Variants in SIMC1 observed in about 807,000 individuals in gnomAD.
SIMC1 encodes SUMO interacting motifs containing 1.
In SIMC1, 55 loss-of-function variants were observed where a neutral mutation model predicts 82.3. The ratio of observed to expected loss-of-function variants is 0.67; its 90% CI spans 0.54 to 0.84. SIMC1 has a LOEUF of 0.84. SIMC1 is among the 40% of genes least tolerant of loss of function. The probability of loss-of-function intolerance (pLI) is 0.00; values close to 1 mark genes in which losing one functional copy is unlikely to be tolerated. For synonymous variants in SIMC1, 353 were observed against 426.3 expected, an observed-to-expected ratio of 0.83 and a Z score of 2.12; for missense variants, 915 against 1,107.2, an observed-to-expected ratio of 0.83 and a Z score of 2.46.
chr5:176,252,451 C>T (rs1761704142), intron 1 of SIMC1, among the ~76,000 whole-genome samples: 1 of 151,698 alleles, frequency 6.6e-6, no homozygotes, highest in Non-Finnish European at 1.5e-5. Context: ...ACGCTCCTCA[C>T]CTCCCAGATG....
chr5:176,344,468 TACACACACACACACACACACAC>T (rs57991528), intron 9 of SIMC1, among the ~76,000 whole-genome samples: 30,263 of 146,600 alleles, frequency 0.21, 3,120 homozygotes, highest in Middle Eastern at 0.3. Flanking sequence ...GTCAGGAGTA[TACACACACACACACACACACAC>T]ACACACACAC....
chr5:176,294,957 T>G, intron 2 of SIMC1, 73 bp from the exon 3 acceptor site: 1 of 1,412,756 alleles, frequency 7.1e-7, no homozygotes. Flanking sequence ...AGAGCAAGAC[T>G]CCGTCTCAAA....
intron 2 of SIMC1, among the ~76,000 whole-genome samples, chr5:176,292,670 G>A (rs551643346): frequency 9.9e-5 from 15 of 151,902 alleles, no homozygotes; most frequent in East Asian, 5.8e-4. Context: ...ACAGCCTCCC[G>A]CGTAGCTGGG....
At chr5:176,267,969 C>G (rs909712076) in intron 1 of SIMC1, among the ~76,000 whole-genome samples, 7 of 151,834 alleles carry the variant, frequency 4.6e-5, no homozygotes, top group African/African-American at 1.7e-4. Flanking sequence ...AGGCTGGTCT[C>G]CAGCTCCTGA....
At chr5:176,323,071 A>G (rs342014) in intron 6 of SIMC1, among the ~76,000 whole-genome samples, 1,672 of 152,332 alleles carry the variant, frequency 0.011, 23 homozygotes, top group Non-Finnish European at 0.019. Flanking sequence ...GGCATTTCAA[A>G]TGTAACATTT....
At chr5:176,299,698 C>A (rs1437797439) in intron 4 of SIMC1, among the ~76,000 whole-genome samples, 1 of 152,054 alleles carries the variant, frequency 6.6e-6, no homozygotes, top group Non-Finnish European at 1.5e-5. Flanking sequence ...ATTCAGTACC[C>A]CACTTTCAAT....
chr5:176,341,525 A>G (rs1766144664), intron 9 of SIMC1, among the ~76,000 whole-genome samples: 1 of 152,198 alleles, frequency 6.6e-6, no homozygotes, highest in South Asian at 2.1e-4. Context: ...AGAGGGCCAG[A>G]GGGGCCAGGG....
chr5:176,283,390 A>G (rs1202671950), intron 1 of SIMC1, among the ~76,000 whole-genome samples: 1 of 152,250 alleles, frequency 6.6e-6, no homozygotes, highest in Non-Finnish European at 1.5e-5. Context: ...AAAGAAAAGA[A>G]TTTTCAACAC....
At chr5:176,242,871 G>A in intron 1 of SIMC1, among the ~76,000 whole-genome samples, 1 of 151,882 alleles carries the variant, frequency 6.6e-6, no homozygotes, top group East Asian at 1.9e-4. Context: ...TTTACTGAGG[G>A]GACACAGATA....
chr5:176,279,643 G>A (rs1296114634), intron 1 of SIMC1, among the ~76,000 whole-genome samples: 1 of 150,158 alleles, frequency 6.7e-6, no homozygotes, highest in Non-Finnish European at 1.5e-5. Flanking sequence ...ACACTGCTTT[G>A]AATGCGTCCC....
At chr5:176,312,613 A>G (rs1266903943) in intron 4 of SIMC1, among the ~76,000 whole-genome samples, 2 of 151,736 alleles carry the variant, frequency 1.3e-5, no homozygotes, top group African/African-American at 2.4e-5. Context: ...GTTATCAAGG[A>G]TTAGAGAAAA....
At chr5:176,268,605 A>C (rs1422767030) in intron 1 of SIMC1, among the ~76,000 whole-genome samples, 4 of 152,202 alleles carry the variant, frequency 2.6e-5, no homozygotes, top group Non-Finnish European at 5.9e-5. Flanking sequence ...ATAATGATAA[A>C]AGAGTTAATA....
Position 176,243,873 on chromosome 5 carries a change from A to G in SIMC1, c.129+5236A>G, listed in dbSNP as rs1271200740. On this transcript the variant is annotated intron_variant, in intron 1 of 9. Transcript: ENST00000429602. ...GCTACTGTGAAAAGAAAAGATGGTA[A>G]GGTAGGGAGACCATATAATTTATCA... Among the ~76,000 whole-genome samples, 1,030 of 146,614 alleles carry G rather than the reference A, an allele frequency of 7.0e-3. 14 individuals carry two copies. The highest frequency in any genetic ancestry group is 0.024 in the African/African-American group (954 of 39,134).
intron 4 of SIMC1, chr5:176,313,170 C>T (rs1764737277): frequency 2.8e-6 from 2 of 704,006 alleles, no homozygotes; most frequent in Admixed American, 4.5e-5. Context: ...AATCAGCTCG[C>T]ATGACTGGAA....
intron 7 of SIMC1, among the ~76,000 whole-genome samples, chr5:176,333,362 G>A (rs1350181335): frequency 6.6e-6 from 1 of 152,066 alleles, no homozygotes; most frequent in Non-Finnish European, 1.5e-5. Context: ...TAACCTTTTG[G>A]GACTGGCTTT....
At chr5:176,282,378 G>A (rs570258948) in intron 1 of SIMC1, among the ~76,000 whole-genome samples, 4 of 152,338 alleles carry the variant, frequency 2.6e-5, no homozygotes, top group East Asian at 3.9e-4. Context: ...GACCCCTTGC[G>A]CTTCCGGAGT....
chr5:176,245,695 G>A (rs1363795437), intron 1 of SIMC1, among the ~76,000 whole-genome samples: 2 of 152,044 alleles, frequency 1.3e-5, no homozygotes, highest in African/African-American at 4.8e-5. Flanking sequence ...TATTTATTCA[G>A]GAATGGCATT....
chr5:176,269,886 C>T (rs1486898102), intron 1 of SIMC1, among the ~76,000 whole-genome samples: 3 of 152,106 alleles, frequency 2.0e-5, no homozygotes, highest in African/African-American at 4.8e-5. Context: ...GCTGGGACCA[C>T]TGGCATACAC....
rs1246264444 is a variant in SIMC1 at position 176,306,513 on chromosome 5, C to T, written c.1735-7178C>T. ...AAAGATTGAGAAATCGGATGGTTGC[C>T]GTGTCTGTGTAGAAAGAAGTAGACA... On this transcript the variant is annotated intron_variant, in intron 4 of 9. Transcript: ENST00000429602. 1.1e-4 allele frequency among the ~76,000 whole-genome samples: 16 copies of T among 147,624 alleles called. 2 individuals are homozygous for T. Among genetic ancestry groups the T allele is most frequent in the African/African-American group, 3.7e-4 (15 of 40,418 alleles).
Sources: gnomAD v4.1 joint callset for allele counts (sites outside exome capture counted in the v4.1 genomes callset) on GRCh38, gnomAD v4.1.1 for gene constraint, MANE v1.5 for transcripts, NCBI Gene and HGNC (gene_info 2026-07-23, HGNC 2026-07-21) for gene names.